The following DGKD variants were observed in gnomAD, a reference collection of about 807,000 sequenced individuals.
The protein encoded by DGKD is diacylglycerol kinase delta, also known as DAG kinase delta.
A neutral mutation model predicts 154.4 loss-of-function variants in DGKD; 68 were observed. The observed-to-expected ratio is 0.44, with a 90% CI of 0.36 to 0.54. The LOEUF is 0.54. DGKD is among the 20% of genes least tolerant of loss of function. The probability of loss-of-function intolerance (pLI) is 0.00; values close to 1 mark genes in which losing one functional copy is unlikely to be tolerated. For missense variants in DGKD, 1,343 were observed against 1,593.6 expected (o/e 0.84, Z 2.68); for synonymous variants, 693 against 638.0 (o/e 1.09, Z -1.30).
intron 24 of DGKD, among the ~76,000 whole-genome samples, chr2:233,460,628 C>T (rs758095089): frequency 6.6e-6 from 1 of 152,204 alleles, no homozygotes; most frequent in Non-Finnish European, 1.5e-5. Context: ...CGGTGGCTCA[C>T]GCCTGTAATC....
At chr2:233,453,228 C>T (rs1466107728) in intron 18 of DGKD, among the ~76,000 whole-genome samples, 2 of 152,116 alleles carry the variant, frequency 1.3e-5, no homozygotes, top group African/African-American at 4.8e-5. Flanking sequence ...GTGGTGTGTG[C>T]CTGGGCCGTA....
At chr2:233,359,868 G>A (rs1455801011) in intron 1 of DGKD, among the ~76,000 whole-genome samples, 2 of 152,122 alleles carry the variant, frequency 1.3e-5, no homozygotes, top group African/African-American at 2.4e-5. Flanking sequence ...TGATGGGGAC[G>A]GGTGCTGATG....
At chr2:233,411,464 GTGTT>G (rs943969646) in intron 3 of DGKD, among the ~76,000 whole-genome samples, 5 of 152,160 alleles carry the variant, frequency 3.3e-5, no homozygotes, top group African/African-American at 1.2e-4. Context: ...ATCTTTTCAT[GTGTT>G]TGTTGGTCAT....
At chr2:233,446,880 G>T in intron 12 of DGKD, 84 bp downstream of exon 12, 1 of 1,485,180 alleles carries the variant, frequency 6.7e-7, no homozygotes. Flanking sequence ...CACCTCCCTT[G>T]CAGAGACGCC....
chr2:233,385,670 G>A (rs1703133154), intron 1 of DGKD, among the ~76,000 whole-genome samples: 1 of 152,192 alleles, frequency 6.6e-6, no homozygotes, highest in South Asian at 2.1e-4. Context: ...TCCTGTGGGT[G>A]CCTTTCACAG....
In DGKD at chr2:233,397,543, G is replaced by C. The variant is rs1006644156; in HGVS notation, c.348+7060G>C. Reference sequence around the variant, plus strand: ...GAGGGGACCAGGGTGGCTGGGGGGGGGGGGCAGAGTGAGAGGACACCAGAG... The same window carrying C: ...GAGGGGACCAGGGTGGCTGGGGGGGCGGGGCAGAGTGAGAGGACACCAGAG... On this transcript the variant is annotated intron_variant, in intron 3 of 29. Transcript: ENST00000264057. Among the ~76,000 whole-genome samples the C allele has an allele frequency of 5.0e-5, 7 of 140,274 alleles. 1 individual carries two copies. The highest frequency in any genetic ancestry group is 4.3e-4 in the Admixed American group (6 of 14,100). 92.0% of individuals were successfully genotyped at this position (140,274 alleles called of 152,430 possible).
In DGKD at chr2:233,441,596, C is replaced by T. The variant is rs892932058; in HGVS notation, c.1086-291C>T. 6.6e-6 allele frequency among the ~76,000 whole-genome samples: 1 copy of T among 152,192 alleles called. No homozygotes were observed. The highest frequency in any genetic ancestry group is 2.4e-5 in the African/African-American group (1 of 41,448). On this transcript the variant is annotated intron_variant, in intron 9 of 29. Coordinates refer to ENST00000264057, the MANE Select transcript of DGKD (RefSeq NM_152879.3). The surrounding 1 kb of genome is among the most constrained non-coding windows in gnomAD (Gnocchi z 5.6). The stretch of plus-strand genomic sequence containing the variant: ...ATGCAGTTTTGGCCCACCACTTTGC[C>T]TGTGATGTCTGCAGAGCGTGCAGTG...
rs7567707 is a variant in DGKD, at chr2:233,471,494, T to C, written c.*2034T>C. On this transcript the variant is annotated 3_prime_UTR_variant, in exon 30 of 30. Transcript: ENST00000264057. ...GCCTGGCGATGTGGGCATCCTGGGG[T>C]TCTTAGGGTCCCAGAACAAGCCCCA... 0.042 allele frequency: 6,415 copies of C among 152,148 alleles called. 328 individuals are homozygous for C. The highest frequency in any genetic ancestry group is 0.12 in the African/African-American group (5,106 of 41,446). The allele number at this position is 152,148 out of a possible 1,614,324, so 9.4% of individuals were successfully genotyped here.
In DGKD at chr2:233,445,826, G is replaced by T; in HGVS notation, c.1334+64G>T. 3 of 1,507,064 alleles carry T rather than the reference G, an allele frequency of 2.0e-6. No individual in the cohort carries two copies. Among genetic ancestry groups the T allele is most frequent in the Non-Finnish European group, 1.8e-6 (2 of 1,124,456 alleles). 93.4% of individuals were successfully genotyped at this position (1,507,064 alleles called of 1,614,324 possible). On this transcript the variant is annotated intron_variant, in intron 11 of 29. Transcript: ENST00000264057. The surrounding 1 kb of genome is among the most constrained non-coding windows in gnomAD (Gnocchi z 5.5). ...TTGAGAGACAGGTCCCTTTGACCAG[G>T]TGTTCTTAACCTGGGGTCTGTGGAA... is the stretch of plus-strand genomic sequence containing the variant.
At chr2:233,389,776 G>GCTA (rs1703464298) in intron 2 of DGKD, among the ~76,000 whole-genome samples, 1 of 152,174 alleles carries the variant, frequency 6.6e-6, no homozygotes, top group African/African-American at 2.4e-5. Context: ...GACCCTGTAG[G>GCTA]GAGTGGAGAG....
chr2:233,457,110 T>C lies in DGKD; in HGVS notation c.2473-111T>C. On this transcript the variant is annotated intron_variant, in intron 20 of 29. Transcript: ENST00000264057. The surrounding 1 kb of genome is among the most constrained non-coding windows in gnomAD (Gnocchi z 5.5). ...CCATGCACAGGGACTTGCCTGGGGA[T>C]GCCCTGGCCACGGCTGTGCTCCTGA... 4 of 1,307,274 alleles carry C rather than the reference T, an allele frequency of 3.1e-6. No homozygotes were observed. Among genetic ancestry groups the C allele is most frequent in the Non-Finnish European group, 4.4e-6 (4 of 911,852 alleles). 81.0% of individuals were successfully genotyped at this position (1,307,274 alleles called of 1,614,324 possible).
Position 233,436,409 on chromosome 2 carries a change from C to G in DGKD, c.787C>G (p.Gln263Glu). Reference sequence around the variant, plus strand: ...GACCTGTGGCAGTGTGCTGCGCCTGCAGGACTGGCGCTGCCTCTGGTGCAA... The same window carrying G: ...GACCTGTGGCAGTGTGCTGCGCCTGGAGGACTGGCGCTGCCTCTGGTGCAA... ...DKTCGSVLRL[Q>E]DWRCLWCKAM... is the part of the protein sequence containing the mutation. Residue 263 changes from glutamine (Q) to glutamate (E), a missense_variant, in exon 7 of 30, where the codon CAG becomes GAG. By Grantham distance (29) the Gln-to-Glu change is conservative. Around this residue, in one of 6 missense-constraint regions of DGKD, gnomAD observed 332 missense variants for 400.1 expected, o/e 0.83. Transcript: ENST00000264057. The G allele has an allele frequency of 6.2e-7, 1 of 1,613,932 alleles. No homozygotes were observed. The highest frequency in any genetic ancestry group is 8.5e-7 in the Non-Finnish European group (1 of 1,180,018).
intron 10 of DGKD, among the ~76,000 whole-genome samples, chr2:233,444,510 C>T (rs759705474): frequency 1.3e-5 from 2 of 148,736 alleles, no homozygotes; most frequent in Non-Finnish European, 2.9e-5. Context: ...CTCTGCCTTG[C>T]CCCCTCCCAG....
intron 10 of DGKD, 82 bp downstream of exon 10, chr2:233,442,077 C>A: frequency 2.5e-6 from 3 of 1,193,050 alleles, no homozygotes; most frequent in Non-Finnish European, 2.5e-6. Flanking sequence ...AGCTCCTGTT[C>A]ATCTCGGAGC....
rs567701851 is a variant in DGKD at position 233,441,177 on chromosome 2, G to T, written c.1086-710G>T. ...AGAGGATGAGGAGTGAGCAGAAGCGGCACTGGTCTCCTGAGTGGGGACGCT... is the reference window on the plus strand; with the variant it reads ...AGAGGATGAGGAGTGAGCAGAAGCGTCACTGGTCTCCTGAGTGGGGACGCT... On this transcript the variant is annotated intron_variant, in intron 9 of 29. Transcript: ENST00000264057. The surrounding 1 kb of genome is among the most constrained non-coding windows in gnomAD (Gnocchi z 5.6). Among the ~76,000 whole-genome samples the T allele has an allele frequency of 6.6e-6, 1 of 152,304 alleles. No individual in the cohort carries two copies. The highest frequency in any genetic ancestry group is 2.1e-4 in the South Asian group (1 of 4,828).
Position 233,436,181 on chromosome 2 carries a change from T to G in DGKD, c.694-135T>G, listed in dbSNP as rs565029491. On this transcript the variant is annotated intron_variant, in intron 6 of 29. Coordinates refer to ENST00000264057, the MANE Select transcript of DGKD (RefSeq NM_152879.3). ...GGTACTTCACAGGCCCTGCCATCCC[T>G]TCCCTCACTGGCCATCAGGGAAGGA... is the stretch of plus-strand genomic sequence containing the variant. 51 of 1,443,598 alleles carry G rather than the reference T, an allele frequency of 3.5e-5. No individual in the cohort carries two copies. The Admixed American group carries it at 9.2e-4, about 26-fold the overall frequency. 89.4% of individuals were successfully genotyped at this position (1,443,598 alleles called of 1,614,324 possible).
intron 2 of DGKD, 94 bp from the exon 3 acceptor site, chr2:233,390,309 T>A: frequency 1.2e-6 from 1 of 839,464 alleles, no homozygotes; most frequent in Non-Finnish European, 1.9e-6. Context: ...GGGTGCTTGT[T>A]AGGGATCATT....
chr2:233,458,138 A>T lies in DGKD; in HGVS notation c.2581-146A>T, dbSNP rs530255038. 5.5e-6 allele frequency: 3 copies of T among 540,972 alleles called. No homozygotes were observed. In the South Asian group the frequency reaches 8.2e-5, roughly 15 times the overall value. The allele number at this position is 540,972 out of a possible 1,614,324, so 33.5% of individuals were successfully genotyped here. A position where few individuals can be genotyped will look rare whatever the true frequency, so the allele number is the denominator to read the frequency against. On this transcript the variant is annotated intron_variant, in intron 21 of 29. Coordinates refer to ENST00000264057, the MANE Select transcript of DGKD (RefSeq NM_152879.3). The surrounding 1 kb of genome is among the most constrained non-coding windows in gnomAD (Gnocchi z 6.6). ...CCAGGCAGCTGGTTTCAGGGCCTGC[A>T]ACATGAAGCCCGTCAGGAGTGCAGT...
intron 3 of DGKD, among the ~76,000 whole-genome samples, chr2:233,419,914 C>T (rs1404898024): frequency 1.3e-5 from 2 of 152,050 alleles, no homozygotes; most frequent in Non-Finnish European, 2.9e-5. Flanking sequence ...TTTTGCTGTT[C>T]TCCTCTAAAA....
Sources: gnomAD v4.1 joint callset for allele counts (sites outside exome capture counted in the v4.1 genomes callset) on GRCh38, gnomAD v4.1.1 for gene constraint, gnomAD v4.1.1 regional missense constraint, Gnocchi (gnomAD v3.1) non-coding constraint, MANE v1.5 for transcripts, NCBI Gene and HGNC (gene_info 2026-07-23, HGNC 2026-07-21) for gene names.